SELENOM: variants seen among roughly 807,000 people sequenced by gnomAD.
SELENOM encodes the protein selenoprotein M, also known as selenoprotein SelM.
In SELENOM, 17 loss-of-function variants were observed where a neutral mutation model predicts 14.5. The observed-to-expected ratio is 1.17, with a 90% CI of 0.80 to 1.76. The LOEUF (loss-of-function observed/expected upper bound fraction) is 1.76, where lower values mean the gene tolerates loss of function less well. Ranked by LOEUF, SELENOM falls within the 40% of genes most tolerant of loss-of-function variation. The probability of loss-of-function intolerance (pLI) is 0.00; values close to 1 mark genes in which losing one functional copy is unlikely to be tolerated. For missense variants in SELENOM, 230 were observed against 204.6 expected (o/e 1.12, Z -0.76); for synonymous variants, 102 against 93.3 (o/e 1.09, Z -0.54).
In SELENOM at chr22:31,106,115, C is replaced by A. The variant is rs987859430; in HGVS notation, c.130-150G>T. 16 of 717,558 alleles carry A rather than the reference C, an allele frequency of 2.2e-5. No individual in the cohort carries two copies. The African/African-American group carries it at 2.6e-4, about 12-fold the overall frequency. 44.4% of individuals were successfully genotyped at this position (717,558 alleles called of 1,614,324 possible). ...CCAAGGTCTGAAGGAAATGCTGGAC[C>A]CTTGTGGGCAGAAGGGGGAACTGTG... is the stretch of plus-strand genomic sequence containing the variant. On this transcript the variant is annotated intron_variant, in intron 1 of 4. Coordinates refer to ENST00000400299, the MANE Select transcript of SELENOM (RefSeq NM_080430.4).
At chr22:31,105,893 G>C in intron 2 of SELENOM, 37 bp downstream of exon 2, 1 of 1,606,458 alleles carries the variant, frequency 6.2e-7, no homozygotes, top group Non-Finnish European at 8.5e-7. Context: ...AGAGGCTCAG[G>C]GGGAACAGAG....
At chr22:31,107,232 G>A in intron 1 of SELENOM, 145 bp downstream of exon 1, 1 of 1,055,298 alleles carries the variant, frequency 9.5e-7, no homozygotes, top group South Asian at 1.7e-5. Flanking sequence ...CTGGGGCTAG[G>A]GAACAGGAGG....
intron 2 of SELENOM, 23 bp from the exon 3 acceptor site, chr22:31,105,715 G>C: frequency 6.2e-7 from 1 of 1,613,834 alleles, no homozygotes. Flanking sequence ...CAGAGCATCA[G>C]AGACCATGAC....
Position 31,107,513 on chromosome 22 carries a change from C to A in SELENOM, c.-8G>T. ...AGGCAACAGGAGGCTCATCGGGACC[C>A]GGCCGCAGATGATGCGCAAGCTGGA... is the stretch of plus-strand genomic sequence containing the variant. On this transcript the variant is annotated 5_prime_UTR_variant, in exon 1 of 5. Coordinates refer to ENST00000400299, the MANE Select transcript of SELENOM (RefSeq NM_080430.4). 6.5e-7 allele frequency: 1 copy of A among 1,536,400 alleles called. No individual in the cohort carries two copies. Among genetic ancestry groups the A allele is most frequent in the African/African-American group, 1.4e-5 (1 of 72,070 alleles).
rs1045689967 is a variant in SELENOM, at chr22:31,105,804, A to T, written c.166-112T>A. ...CAAGTCAGGTGCAGGCTAGACTCTCAGCCTAGGCTAGACTCTCAGCCTAGG... is the reference window on the plus strand; with the variant it reads ...CAAGTCAGGTGCAGGCTAGACTCTCTGCCTAGGCTAGACTCTCAGCCTAGG... On this transcript the variant is annotated intron_variant, in intron 2 of 4. Transcript: ENST00000400299. The T allele has an allele frequency of 2.7e-6, 4 of 1,469,086 alleles. No individual in the cohort carries two copies. The African/African-American group carries it at 4.2e-5, about 15-fold the overall frequency. 91.0% of individuals were successfully genotyped at this position (1,469,086 alleles called of 1,614,324 possible).
In SELENOM at chr22:31,107,540, G is replaced by A. The variant is rs1569277081; in HGVS notation, c.-35C>T. 6.6e-7 allele frequency: 1 copy of A among 1,505,310 alleles called. No individual in the cohort carries two copies. Among genetic ancestry groups the A allele is most frequent in the Non-Finnish European group, 8.9e-7 (1 of 1,128,044 alleles). 93.2% of individuals were successfully genotyped at this position (1,505,310 alleles called of 1,614,324 possible). On this transcript the variant is annotated 5_prime_UTR_variant, in exon 1 of 5. Transcript: ENST00000400299. The stretch of plus-strand genomic sequence containing the variant: ...GCCGCAGATGATGCGCAAGCTGGAG[G>A]CGAACCTCCGAGTCGCTGCGCCACG...
chr22:31,104,937 C>G lies in SELENOM; in HGVS notation c.*33G>C, dbSNP rs948225030. 6.6e-6 allele frequency: 10 copies of G among 1,526,252 alleles called. No homozygotes were observed. In the African/African-American group the frequency reaches 1.4e-4, roughly 21 times the overall value. 94.5% of individuals were successfully genotyped at this position (1,526,252 alleles called of 1,614,324 possible). On this transcript the variant is annotated 3_prime_UTR_variant, in exon 5 of 5. Coordinates refer to ENST00000400299, the MANE Select transcript of SELENOM (RefSeq NM_080430.4). The stretch of plus-strand genomic sequence containing the variant: ...CTTCATTCTGTCTCCAGGACTCAGG[C>G]AGGTAGGTCCCAGCTCCGCCGCGCC...
At chr22:31,105,730 G>T (rs1330700395) in intron 2 of SELENOM, 38 bp from the exon 3 acceptor site, 1 of 1,608,046 alleles carries the variant, frequency 6.2e-7, no homozygotes, top group Admixed American at 1.7e-5. Context: ...CATGACCTCA[G>T]TCTACTCGAG....
rs1301541864 is a variant in SELENOM, at chr22:31,105,137, G to A, written c.280-9C>T. On this transcript the variant is annotated splice_polypyrimidine_tract_variant and intron_variant, in intron 4 of 4. Transcript: ENST00000400299. Reference sequence around the variant, plus strand: ...TCACTGAGTGGGATGCGCTGAGGCGGAGGAGGGGCGGGGTCAGCAGGCTGG... The same window carrying A: ...TCACTGAGTGGGATGCGCTGAGGCGAAGGAGGGGCGGGGTCAGCAGGCTGG... The A allele has an allele frequency of 1.9e-6, 3 of 1,613,318 alleles. No individual in the cohort carries two copies. The highest frequency in any genetic ancestry group is 2.5e-6 in the Non-Finnish European group (3 of 1,179,692).
intron 2 of SELENOM, 76 bp downstream of exon 2, chr22:31,105,854 G>A: frequency 6.6e-7 from 1 of 1,521,214 alleles, no homozygotes. Flanking sequence ...CCCCGCCCCA[G>A]TCATTGGGAC....
At chr22:31,106,188 A>G in intron 1 of SELENOM, 1 of 596,974 alleles carries the variant, frequency 1.7e-6, no homozygotes. Context: ...GGAAAAGAGC[A>G]AGGCCAGAGA....
At position 31,105,934 on chromosome 22, in the gene SELENOM, T is replaced by A; in HGVS notation, c.161A>T (p.Lys54Met). The change falls in exon 2 of 5, where the codon AAG becomes ATG. Residue 54 changes from lysine to methionine, a missense_variant. Transcript: ENST00000400299. Reference protein sequence around the residue: ...TCGGUQLNRLKEVKAFVTQDI... With the variant: ...TCGGUQLNRLMEVKAFVTQDI... ...GACCTCTTCCTTCAAACTCACCTCCTTTAGGCGGTTCAGCTGTCATCCCCC... is the reference window on the plus strand; with the variant it reads ...GACCTCTTCCTTCAAACTCACCTCCATTAGGCGGTTCAGCTGTCATCCCCC... 6.2e-7 allele frequency: 1 copy of A among 1,613,990 alleles called. No homozygotes were observed. The highest frequency in any genetic ancestry group is 8.5e-7 in the Non-Finnish European group (1 of 1,179,886).
chr22:31,105,198 A>ACGGCCTCACCTCTAGTTCCT lies in SELENOM; in HGVS notation c.269_279+9dup. Reference sequence around the variant, plus strand: ...TGGCCTCGCCCCCAGCCCACCTCCCACGGCCTCACCTCTAGTTCCTCGTAG... The same window carrying ACGGCCTCACCTCTAGTTCCT: ...TGGCCTCGCCCCCAGCCCACCTCCCACGGCCTCACCTCTAGTTCCTCGGCCTCACCTCTAGTTCCTCGTAG... On this transcript the variant is annotated intron_variant, in intron 4 of 4. Transcript: ENST00000400299. 1 of 1,613,252 alleles carries ACGGCCTCACCTCTAGTTCCT rather than the reference A, an allele frequency of 6.2e-7. No individual in the cohort carries two copies. The highest frequency in any genetic ancestry group is 2.2e-5 in the East Asian group (1 of 44,854).
In SELENOM at chr22:31,105,219, C is replaced by G. The variant is rs1382429200; in HGVS notation, c.268G>C (p.Glu90Gln). The G allele has an allele frequency of 6.2e-7, 1 of 1,613,244 alleles. No homozygotes were observed. The highest frequency in any genetic ancestry group is 2.2e-5 in the East Asian group (1 of 44,882). ...PELVLLGRRY[E>Q]ELERIPLSEM... Reference sequence around the variant, plus strand: ...TCCCACGGCCTCACCTCTAGTTCCTCGTAGCGGCGGCCCAGCAGCACGAGC... The same window carrying G: ...TCCCACGGCCTCACCTCTAGTTCCTGGTAGCGGCGGCCCAGCAGCACGAGC... Residue 90 changes from glutamate to glutamine, a missense_variant, in exon 4 of 5, where the codon GAG (glutamate) becomes CAG (glutamine). By Grantham distance (29) the Glu-to-Gln change is conservative. Transcript: ENST00000400299.
In SELENOM at chr22:31,107,565, G is replaced by T. The variant is rs2044417979; in HGVS notation, c.-60C>A. The T allele has an allele frequency of 2.9e-6, 4 of 1,384,380 alleles. No homozygotes were observed. The highest frequency in any genetic ancestry group is 2.9e-6 in the Non-Finnish European group (3 of 1,048,708). 85.8% of individuals were successfully genotyped at this position (1,384,380 alleles called of 1,614,324 possible). A position where few individuals can be genotyped will look rare whatever the true frequency, so the allele number is the denominator to read the frequency against. On this transcript the variant is annotated 5_prime_UTR_variant, in exon 1 of 5. Transcript: ENST00000400299. ...GCGAACCTCCGAGTCGCTGCGCCAC[G>T]TCTGGGCCCCCAGGCTGGCCCCGCC... is the stretch of plus-strand genomic sequence containing the variant.
rs1285579022 is a variant in SELENOM, at chr22:31,107,553, T to A, written c.-48A>T. 6.8e-7 allele frequency: 1 copy of A among 1,475,388 alleles called. No homozygotes were observed. Among genetic ancestry groups the A allele is most frequent in the Middle Eastern group, 2.4e-4 (1 of 4,142 alleles). The allele number at this position is 1,475,388 out of a possible 1,614,324, so 91.4% of individuals were successfully genotyped here. On this transcript the variant is annotated 5_prime_UTR_variant, in exon 1 of 5. Transcript: ENST00000400299. ...CGCAAGCTGGAGGCGAACCTCCGAG[T>A]CGCTGCGCCACGTCTGGGCCCCCAG... is the stretch of plus-strand genomic sequence containing the variant.
At position 31,104,848 on chromosome 22, in the gene SELENOM, T is replaced by C. The variant is rs2044369365; in HGVS notation, c.*122A>G. 2.7e-6 allele frequency: 3 copies of C among 1,108,604 alleles called. No homozygotes were observed. In the East Asian group the frequency reaches 8.8e-5, roughly 33 times the overall value. 68.7% of individuals were successfully genotyped at this position (1,108,604 alleles called of 1,614,324 possible). A position where few individuals can be genotyped will look rare whatever the true frequency, so the allele number is the denominator to read the frequency against. On this transcript the variant is annotated 3_prime_UTR_variant, in exon 5 of 5. Coordinates refer to ENST00000400299, the MANE Select transcript of SELENOM (RefSeq NM_080430.4). ...GGTTGGGAGAACCTCCCCAACCCCA[T>C]CCCTGCTGGCCCGGGGACGGGCATC...
intron 1 of SELENOM, chr22:31,107,133 C>G: frequency 1.9e-6 from 1 of 514,516 alleles, no homozygotes; most frequent in Non-Finnish European, 3.4e-6. Flanking sequence ...TGTCCGCTGT[C>G]GGACCGGGTA....
chr22:31,105,029 CG>C lies in SELENOM; in HGVS notation c.378del (p.Glu127SerfsTer?), dbSNP rs770782057. 6 of 1,610,506 alleles carry C rather than the reference CG, an allele frequency of 3.7e-6. No individual in the cohort carries two copies. The highest frequency in any genetic ancestry group is 2.7e-5 in the African/African-American group (2 of 74,756). On this transcript the variant is annotated frameshift_variant, in exon 5 of 5. Transcript: ENST00000400299. LOFTEE classifies it high-confidence loss of function. ...GGCTTCGCGGGCGCCCACACGTACT[CG>C]GGGGGCACCTGCGCGTCGGGCGCCG... ...RKAAPDAQVP[P>X]EYVWAPAKPP...
Sources: gnomAD v4.1 joint callset for allele counts on GRCh38, gnomAD v4.1.1 for gene constraint, MANE v1.5 for transcripts, NCBI Gene and HGNC (gene_info 2026-07-23, HGNC 2026-07-21) for gene names.